PLEKHM3: variants seen among roughly 807,000 people sequenced by gnomAD.
The protein encoded by PLEKHM3 is pleckstrin homology domain-containing family M member 3.
In PLEKHM3, 45 loss-of-function variants were observed where a neutral mutation model predicts 81.8. The observed-to-expected ratio is 0.55, with a 90% CI of 0.43 to 0.71. The LOEUF is 0.71. Among genes scored for constraint, PLEKHM3 ranks in the 30% least tolerant of loss-of-function variants. PLEKHM3 has a pLI of 0.00. For missense variants in PLEKHM3, 788 were observed against 924.3 expected, an observed-to-expected ratio of 0.85 and a Z score of 1.91; for synonymous variants, 352 against 356.4, an observed-to-expected ratio of 0.99 and a Z score of 0.14.
chr2:207,838,524 A>G (rs549988826), intron 7 of PLEKHM3, among the ~76,000 whole-genome samples: 2 of 152,352 alleles, frequency 1.3e-5, no homozygotes, highest in Non-Finnish European at 2.9e-5. Context: ...ACTCACTGCC[A>G]TCTTTTGTGC....
At chr2:207,911,963 G>C (rs1249892696) in intron 5 of PLEKHM3, among the ~76,000 whole-genome samples, 1 of 152,190 alleles carries the variant, frequency 6.6e-6, no homozygotes, top group East Asian at 1.9e-4. Flanking sequence ...CAGGATATCA[G>C]ACTTATTTAC....
intron 6 of PLEKHM3, among the ~76,000 whole-genome samples, chr2:207,871,418 T>A (rs572771867): frequency 6.6e-6 from 1 of 152,314 alleles, no homozygotes; most frequent in East Asian, 1.9e-4. Context: ...TGCTTAGAGC[T>A]GGGAAACTAT....
At chr2:207,880,620 G>T (rs868434164) in intron 6 of PLEKHM3, among the ~76,000 whole-genome samples, 7 of 147,886 alleles carry the variant, frequency 4.7e-5, no homozygotes, top group Non-Finnish European at 1.0e-4. Context: ...AAAATTAGCC[G>T]GGCGTGTTGG....
At chr2:207,866,831 A>C (rs1327344794) in intron 6 of PLEKHM3, among the ~76,000 whole-genome samples, 1 of 152,108 alleles carries the variant, frequency 6.6e-6, no homozygotes, top group Non-Finnish European at 1.5e-5. Flanking sequence ...AGACACCATA[A>C]ATCTCTTGTG....
chr2:207,870,972 G>A (rs1401602500), intron 6 of PLEKHM3, among the ~76,000 whole-genome samples: 2 of 152,110 alleles, frequency 1.3e-5, no homozygotes, highest in East Asian at 1.9e-4. Flanking sequence ...GCCGATTGCA[G>A]TGGTATGCAC....
chr2:207,865,801 A>AAAAAAAAAAAAAAAAAAAATAT, intron 6 of PLEKHM3, among the ~76,000 whole-genome samples: 2 of 25,300 alleles, frequency 7.9e-5, no homozygotes, highest in Non-Finnish European at 1.5e-4. Context: ...AAAAAAAAAA[A>AAAAAAAAAAAAAAAAAAAATAT]AGATATATAT....
At chr2:207,907,061 T>G (rs375197983) in intron 6 of PLEKHM3, among the ~76,000 whole-genome samples, 4 of 152,304 alleles carry the variant, frequency 2.6e-5, no homozygotes, top group East Asian at 3.9e-4. Flanking sequence ...AATGAACTCT[T>G]GAAAGAATCA....
chr2:207,893,378 C>T (rs1478849817), intron 6 of PLEKHM3, among the ~76,000 whole-genome samples: 1 of 152,180 alleles, frequency 6.6e-6, no homozygotes, highest in African/African-American at 2.4e-5. Context: ...TGACTAAAAG[C>T]TGAGTGGTCA....
chr2:207,850,792 AT>A (rs2092407974), intron 7 of PLEKHM3, among the ~76,000 whole-genome samples: 1 of 152,136 alleles, frequency 6.6e-6, no homozygotes, highest in Non-Finnish European at 1.5e-5. Flanking sequence ...TTGCTTTTAT[AT>A]TCATTGTTTT....
At chr2:207,917,663 G>A (rs2105915434) in intron 5 of PLEKHM3, among the ~76,000 whole-genome samples, 1 of 152,134 alleles carries the variant, frequency 6.6e-6, no homozygotes, top group African/African-American at 2.4e-5. Context: ...GCAACATAGT[G>A]AGACTCTGTC....
At chr2:207,895,247 C>G (rs761657147) in intron 6 of PLEKHM3, among the ~76,000 whole-genome samples, 7 of 152,182 alleles carry the variant, frequency 4.6e-5, no homozygotes, top group African/African-American at 7.2e-5. Flanking sequence ...AGGCAGGCCC[C>G]TTGCCTTCAG....
At chr2:207,964,399 T>C (rs182068670) in intron 3 of PLEKHM3, among the ~76,000 whole-genome samples, 1 of 152,210 alleles carries the variant, frequency 6.6e-6, no homozygotes, top group East Asian at 1.9e-4. Flanking sequence ...AAATCACACT[T>C]TGAGAGATCC....
At chr2:207,861,017 T>C in intron 7 of PLEKHM3, 88 bp downstream of exon 7, 1 of 1,428,524 alleles carries the variant, frequency 7.0e-7, no homozygotes, top group Non-Finnish European at 9.6e-7. Context: ...AGAGATACAC[T>C]ACTTGACTAA....
At chr2:207,909,307 G>A (rs929572743) in intron 5 of PLEKHM3, among the ~76,000 whole-genome samples, 2 of 152,180 alleles carry the variant, frequency 1.3e-5, no homozygotes, top group Non-Finnish European at 2.9e-5. Flanking sequence ...AAGCAAACAG[G>A]TTACCAAAGT....
chr2:207,930,638 C>T (rs1689558744), intron 5 of PLEKHM3, among the ~76,000 whole-genome samples: 1 of 152,172 alleles, frequency 6.6e-6, no homozygotes, highest in Admixed American at 6.5e-5. Flanking sequence ...CTCAAATTAA[C>T]ATATTGGTAA....
chr2:207,888,220 C>CT (rs1270539878), intron 6 of PLEKHM3, among the ~76,000 whole-genome samples: 1 of 152,152 alleles, frequency 6.6e-6, no homozygotes, highest in Non-Finnish European at 1.5e-5. Context: ...TGCTTCTCCT[C>CT]TGAGTGGGTG....
intron 7 of PLEKHM3, among the ~76,000 whole-genome samples, chr2:207,841,397 C>T (rs933629325): frequency 4.5e-5 from 6 of 134,010 alleles, no homozygotes; most frequent in African/African-American, 5.6e-5. Context: ...CCTGGGAGGC[C>T]GAGATCACGC....
intron 1 of PLEKHM3, among the ~76,000 whole-genome samples, chr2:208,003,226 C>A (rs1692373079): frequency 6.6e-6 from 1 of 152,210 alleles, no homozygotes; most frequent in Non-Finnish European, 1.5e-5. Context: ...TGCCTTTCAC[C>A]TTCCACCATG....
At chr2:207,916,538 G>A (rs923619815) in intron 5 of PLEKHM3, among the ~76,000 whole-genome samples, 1 of 152,000 alleles carries the variant, frequency 6.6e-6, no homozygotes, top group Non-Finnish European at 1.5e-5. Context: ...TCAGGAGTTC[G>A]AGACCACTCT....
Sources: gnomAD v4.1 joint callset for allele counts (sites outside exome capture counted in the v4.1 genomes callset) on GRCh38, gnomAD v4.1.1 for gene constraint, MANE v1.5 for transcripts, NCBI Gene and HGNC (gene_info 2026-07-23, HGNC 2026-07-21) for gene names.